Variants in TRIM16 observed in about 807,000 individuals in gnomAD.
TRIM16 encodes tripartite motif containing 16.
TRIM16 carries 33 observed loss-of-function variants against 50.4 expected under a neutral mutation model. The ratio of observed to expected loss-of-function variants is 0.65; its 90% confidence interval spans 0.50 to 0.88. The LOEUF is 0.88. Ranked by LOEUF, TRIM16 falls within the 40% of genes least tolerant of loss-of-function variation. TRIM16 has a pLI of 0.00. For synonymous variants in TRIM16, 229 were observed against 270.7 expected (o/e 0.85, Z 1.51); for missense variants, 581 against 686.8 (o/e 0.85, Z 1.72).
In TRIM16 at chr17:15,637,123, G is replaced by GA; in HGVS notation, c.616-855_616-854insT. Among the ~76,000 whole-genome samples the GA allele has an allele frequency of 1.5e-5, 2 of 129,376 alleles. 1 individual carries two copies. Among genetic ancestry groups the GA allele is most frequent in the Non-Finnish European group, 3.6e-5 (2 of 55,018 alleles). The allele number at this position is 129,376 out of a possible 152,430, so 84.9% of individuals were successfully genotyped here. ...CCCGTCCGGGAGGGAGGTGGGGGGG[G>GA]GGGGTCAGCCCCCCGCCCGGCCAGC... On this transcript the variant is annotated intron_variant, in intron 8 of 11. Transcript: ENST00000649191.
At chr17:15,679,762 C>G (rs555942207) in intron 4 of TRIM16, among the ~76,000 whole-genome samples, 1 of 151,872 alleles carries the variant, frequency 6.6e-6, no homozygotes, top group Non-Finnish European at 1.5e-5. Context: ...ACGGTGAAAC[C>G]CTGTCTCTAC....
At chr17:15,642,206 A>G (rs928020229) in intron 8 of TRIM16, among the ~76,000 whole-genome samples, 1 of 148,228 alleles carries the variant, frequency 6.7e-6, no homozygotes, top group Non-Finnish European at 1.5e-5. Flanking sequence ...CATTTGTAGA[A>G]CTCCTCAGAA....
At chr17:15,678,275 T>C (rs150204171) in intron 4 of TRIM16, among the ~76,000 whole-genome samples, 146 of 151,514 alleles carry the variant, frequency 9.6e-4, no homozygotes, top group African/African-American at 3.3e-3. Context: ...AAGAATCACA[T>C]CTATTTATAC....
chr17:15,628,810 G>A lies in TRIM16; in HGVS notation c.1500C>T (p.Asp500=). ...AGAAGGAAAGGATCCCTCCCGGGAA[G>A]TCGATATAGACCCCGAGCCTCCGGA... The part of the protein sequence containing the change: ...GPFRRLGVYI[D]FPGGILSFYG... Residue 500 remains aspartate, a synonymous_variant, in exon 12 of 12, where the codon GAC becomes GAT. Coordinates refer to ENST00000649191, the MANE Select transcript of TRIM16 (RefSeq NM_001348119.1). 6.2e-7 allele frequency: 1 copy of A among 1,614,238 alleles called. No individual in the cohort carries two copies. The highest frequency in any genetic ancestry group is 1.1e-5 in the South Asian group (1 of 91,090).
At chr17:15,644,662 C>G (rs1987273145) in intron 7 of TRIM16, among the ~76,000 whole-genome samples, 2 of 151,978 alleles carry the variant, frequency 1.3e-5, no homozygotes, top group East Asian at 3.9e-4. Flanking sequence ...AACTAGCCCC[C>G]ATCCTGAGGC....
At chr17:15,638,019 T>C (rs1400763845) in intron 8 of TRIM16, among the ~76,000 whole-genome samples, 4 of 137,926 alleles carry the variant, frequency 2.9e-5, no homozygotes, top group Admixed American at 2.8e-4. Flanking sequence ...CGGTGCAAGA[T>C]GTGCTTTGTT....
intron 6 of TRIM16, among the ~76,000 whole-genome samples, chr17:15,668,672 C>T (rs1395847503): frequency 6.6e-6 from 1 of 152,086 alleles, no homozygotes; most frequent in African/African-American, 2.4e-5. Context: ...AACACACCAC[C>T]AAACATTCTT....
intron 7 of TRIM16, among the ~76,000 whole-genome samples, chr17:15,647,069 C>T (rs1483097166): frequency 1.3e-5 from 2 of 151,602 alleles, no homozygotes; most frequent in East Asian, 3.9e-4. Flanking sequence ...CAGGTTCAAG[C>T]GATTCTCCTG....
intron 8 of TRIM16, among the ~76,000 whole-genome samples, chr17:15,639,261 G>A (rs1319143448): frequency 6.9e-6 from 1 of 145,376 alleles, no homozygotes; most frequent in Non-Finnish European, 1.5e-5. Flanking sequence ...GCCCAGGCTG[G>A]TCTCAAACTC....
intron 6 of TRIM16, among the ~76,000 whole-genome samples, chr17:15,669,252 AC>A (rs1988625710): frequency 6.6e-6 from 1 of 151,814 alleles, no homozygotes; most frequent in South Asian, 2.1e-4. Flanking sequence ...CAGCATGACC[AC>A]TGAATTGCCT....
intron 6 of TRIM16, chr17:15,658,994 C>T: frequency 2.2e-6 from 1 of 458,088 alleles, no homozygotes; most frequent in Non-Finnish European, 2.9e-6. Flanking sequence ...TGCTCCTAGT[C>T]TCAGAACACG....
rs1484191147 is a variant in TRIM16 at position 15,665,370 on chromosome 17, A to G, written c.-338+11806T>C. 3.7e-4 allele frequency among the ~76,000 whole-genome samples: 56 copies of G among 151,958 alleles called. No individual in the cohort carries two copies. The East Asian group carries it at 4.5e-3, about 12-fold the overall frequency. Reference sequence around the variant, plus strand: ...TAAAAACACAAAAAATTAGCCGGGCATGGTGGTGGGTGCCTGTAGTCCCAG... The same window carrying G: ...TAAAAACACAAAAAATTAGCCGGGCGTGGTGGTGGGTGCCTGTAGTCCCAG... On this transcript the variant is annotated intron_variant, in intron 6 of 11. Transcript: ENST00000649191.
At position 15,629,018 on chromosome 17, in the gene TRIM16, A is replaced by G. The variant is rs1986257516; in HGVS notation, c.1292T>C (p.Phe431Ser). 1.2e-6 allele frequency: 2 copies of G among 1,613,992 alleles called. No homozygotes were observed. The highest frequency in any genetic ancestry group is 2.2e-5 in the South Asian group (2 of 91,076). The change falls in exon 12 of 12, where the codon TTT becomes TCT. Residue 431 changes from phenylalanine (F) to serine (S), a missense_variant. By Grantham distance (155) the Phe-to-Ser change is radical. Transcript: ENST00000649191. ...QQSLYLHRYY[F>S]EVEIFGAGTY... is the part of the protein sequence containing the mutation. ...GCCTGCCCCGAAGATCTCCACCTCA[A>G]AATAGTACCTGTGCAGGTACAGACT...
chr17:15,648,584 C>T (rs1404114430), intron 7 of TRIM16, among the ~76,000 whole-genome samples: 2 of 152,202 alleles, frequency 1.3e-5, no homozygotes, highest in Non-Finnish European at 2.9e-5. Flanking sequence ...ATTAGCCCTT[C>T]GCATGACCCA....
At chr17:15,660,009 C>T (rs989096348) in intron 6 of TRIM16, among the ~76,000 whole-genome samples, 5 of 152,182 alleles carry the variant, frequency 3.3e-5, no homozygotes, top group South Asian at 4.1e-4. Context: ...GGTAGGTAAG[C>T]GAACAGACAC....
intron 8 of TRIM16, 128 bp downstream of exon 8, chr17:15,642,593 G>A: frequency 7.4e-7 from 1 of 1,356,026 alleles, no homozygotes; most frequent in South Asian, 1.3e-5. Context: ...GCTACCGCAT[G>A]GTGTAGTCAA....
chr17:15,637,381 G>A (rs1246545831), intron 8 of TRIM16, among the ~76,000 whole-genome samples: 5 of 113,698 alleles, frequency 4.4e-5, no homozygotes, highest in African/African-American at 7.9e-5. Context: ...CAGCCGCCCC[G>A]TCCGGGAGGG....
rs778006266 is a variant in TRIM16 at position 15,682,715 on chromosome 17, G to A, written c.-679+139C>T. On this transcript the variant is annotated intron_variant, in intron 3 of 11. Coordinates refer to ENST00000649191, the MANE Select transcript of TRIM16 (RefSeq NM_001348119.1). The stretch of plus-strand genomic sequence containing the variant: ...CTATTTCTTTCTTCTCTTCCAAGGA[G>A]TCCGACTTATCCCCCCTTATCCTTC... 27 of 793,062 alleles carry A rather than the reference G, an allele frequency of 3.4e-5. No individual in the cohort carries two copies. In the East Asian group the frequency reaches 4.6e-4, roughly 13 times the overall value. The allele number at this position is 793,062 out of a possible 1,614,324, so 49.1% of individuals were successfully genotyped here.
At chr17:15,643,589 C>T (rs1480697051) in intron 7 of TRIM16, among the ~76,000 whole-genome samples, 2 of 147,648 alleles carry the variant, frequency 1.4e-5, no homozygotes, top group Non-Finnish European at 3.0e-5. Flanking sequence ...CCCCAACCAC[C>T]TTGGGCACAT....
Sources: allele counts gnomAD v4.1 joint callset (sites outside exome capture counted in the v4.1 genomes callset), GRCh38; gene constraint gnomAD v4.1.1; transcripts MANE v1.5; gene names NCBI Gene and HGNC (gene_info 2026-07-23, HGNC 2026-07-21).